The following SEMA5A variants were observed in gnomAD, a reference collection of about 807,000 sequenced individuals.
The protein encoded by SEMA5A is semaphorin-5A.
SEMA5A carries 55 observed loss-of-function variants against 135.5 expected under a neutral mutation model. That is an observed-to-expected ratio of 0.41 (90% CI 0.33 to 0.51). SEMA5A has a LOEUF of 0.51. SEMA5A is among the 20% of genes least tolerant of loss of function. The pLI is 0.37. For synonymous variants in SEMA5A, 580 were observed against 546.5 expected, an observed-to-expected ratio of 1.06 and a Z score of -0.85; for missense variants, 1,290 against 1,419.9, an observed-to-expected ratio of 0.91 and a Z score of 1.47.
At chr5:9,153,069 G>GAA (rs60994342) in intron 12 of SEMA5A, among the ~76,000 whole-genome samples, 3 of 143,304 alleles carry the variant, frequency 2.1e-5, no homozygotes, top group African/African-American at 5.1e-5. Context: ...CTCCATTTCA[G>GAA]AAAAAAAAAA....
At chr5:9,056,183 T>C (rs982698935) in intron 18 of SEMA5A, among the ~76,000 whole-genome samples, 2 of 152,172 alleles carry the variant, frequency 1.3e-5, no homozygotes, top group Non-Finnish European at 2.9e-5. Context: ...CTGTATGGAA[T>C]GATAAACCTG....
At chr5:9,276,245 C>A (rs1238028604) in intron 5 of SEMA5A, among the ~76,000 whole-genome samples, 1 of 152,160 alleles carries the variant, frequency 6.6e-6, no homozygotes, top group East Asian at 1.9e-4. Context: ...AGGAATACAA[C>A]TTACAATGGA....
chr5:9,273,065 G>T (rs1750068656), intron 5 of SEMA5A, among the ~76,000 whole-genome samples: 1 of 152,116 alleles, frequency 6.6e-6, no homozygotes. Context: ...CTCCTCTAAG[G>T]TAAAGGAGCA....
At chr5:9,407,225 AAG>A (rs1230215937) in intron 2 of SEMA5A, among the ~76,000 whole-genome samples, 1 of 152,222 alleles carries the variant, frequency 6.6e-6, no homozygotes, top group Non-Finnish European at 1.5e-5. Context: ...AATCTACAAA[AAG>A]AGTATGTAAC....
At chr5:9,091,419 C>A (rs1279584119) in intron 16 of SEMA5A, among the ~76,000 whole-genome samples, 3 of 152,098 alleles carry the variant, frequency 2.0e-5, no homozygotes, top group Non-Finnish European at 4.4e-5. Context: ...ACAATCCAGA[C>A]AAGGATAGAG....
At chr5:9,328,155 C>A (rs997046421) in intron 4 of SEMA5A, among the ~76,000 whole-genome samples, 2 of 152,100 alleles carry the variant, frequency 1.3e-5, no homozygotes, top group Non-Finnish European at 2.9e-5. Flanking sequence ...TTCCCACCAG[C>A]CAACCCACTC....
chr5:9,088,364 A>G (rs1237198114), intron 16 of SEMA5A, among the ~76,000 whole-genome samples: 2 of 150,754 alleles, frequency 1.3e-5, no homozygotes, highest in Non-Finnish European at 3.0e-5. Flanking sequence ...TAATTTTCCT[A>G]TAAATATAAG....
intron 16 of SEMA5A, among the ~76,000 whole-genome samples, chr5:9,075,571 G>A (rs921895545): frequency 1.3e-5 from 2 of 148,638 alleles, no homozygotes; most frequent in Non-Finnish European, 3.0e-5. Flanking sequence ...AAAAAAAGGT[G>A]TGACACTGTA....
intron 6 of SEMA5A, among the ~76,000 whole-genome samples, chr5:9,235,933 G>A (rs1561056287): frequency 6.6e-6 from 1 of 152,168 alleles, no homozygotes; most frequent in Non-Finnish European, 1.5e-5. Flanking sequence ...CCACATGACT[G>A]GGGAGTCCAC....
intron 13 of SEMA5A, among the ~76,000 whole-genome samples, chr5:9,125,553 T>A (rs1741062459): frequency 1.3e-5 from 2 of 152,166 alleles, no homozygotes; most frequent in African/African-American, 4.8e-5. Flanking sequence ...TGCCCATGTG[T>A]TCTCATTGTT....
chr5:9,310,958 A>G (rs1478495114), intron 5 of SEMA5A, among the ~76,000 whole-genome samples: 6 of 151,910 alleles, frequency 3.9e-5, no homozygotes, highest in Non-Finnish European at 8.8e-5. Context: ...ACATATATAC[A>G]TAGAAATCTA....
At chr5:9,491,783 C>T (rs1469166959) in intron 1 of SEMA5A, among the ~76,000 whole-genome samples, 1 of 152,178 alleles carries the variant, frequency 6.6e-6, no homozygotes, top group Admixed American at 6.5e-5. Context: ...TCAAAAGGGG[C>T]ATGATGCCCT....
At chr5:9,495,275 T>G (rs1481442541) in intron 1 of SEMA5A, among the ~76,000 whole-genome samples, 1 of 152,042 alleles carries the variant, frequency 6.6e-6, no homozygotes, top group Non-Finnish European at 1.5e-5. Flanking sequence ...GTGTCCACAA[T>G]AGGAGTTTCT....
chr5:9,298,663 T>C (rs1751457438), intron 5 of SEMA5A, among the ~76,000 whole-genome samples: 4 of 152,362 alleles, frequency 2.6e-5, no homozygotes, highest in South Asian at 2.1e-4. Flanking sequence ...GTTAAGAATA[T>C]TGACTATAAG....
chr5:9,313,809 G>A (rs183617292), intron 5 of SEMA5A, among the ~76,000 whole-genome samples: 36 of 152,272 alleles, frequency 2.4e-4, no homozygotes, highest in Non-Finnish European at 3.2e-4. Flanking sequence ...GAAGGTGATT[G>A]AGACAGGACA....
intron 2 of SEMA5A, among the ~76,000 whole-genome samples, chr5:9,435,510 A>G (rs1757997823): frequency 6.6e-6 from 1 of 152,208 alleles, no homozygotes; most frequent in South Asian, 2.1e-4. Context: ...GTTTGCAGTT[A>G]CAATAGACTT....
intron 5 of SEMA5A, among the ~76,000 whole-genome samples, chr5:9,294,189 C>T (rs1157137634): frequency 2.6e-5 from 4 of 152,314 alleles, no homozygotes; most frequent in Admixed American, 2.0e-4. Context: ...CCTTCCGGTA[C>T]ATCGTCACCT....
In SEMA5A at chr5:9,039,556, T is replaced by C. The variant is rs1735846523; in HGVS notation, c.*3341A>G. On this transcript the variant is annotated 3_prime_UTR_variant, in exon 23 of 23. Transcript: ENST00000382496. Reference sequence around the variant, plus strand: ...TCTCAAATATGAATGGTAACTCTAGTGAGAGCCTACTTGAACAGGCTTAGG... The same window carrying C: ...TCTCAAATATGAATGGTAACTCTAGCGAGAGCCTACTTGAACAGGCTTAGG... The C allele has an allele frequency of 6.6e-6, 1 of 152,196 alleles. No individual in the cohort carries two copies. The allele number at this position is 152,196 out of a possible 1,614,324, so 9.4% of individuals were successfully genotyped here.
At chr5:9,087,616 A>AATCATTC (rs1430615530) in intron 16 of SEMA5A, among the ~76,000 whole-genome samples, 1 of 151,854 alleles carries the variant, frequency 6.6e-6, no homozygotes, top group Non-Finnish European at 1.5e-5. Context: ...TGGCTGTAAA[A>AATCATTC]ATCATTCTCC....
Sources: gnomAD v4.1 joint callset for allele counts (sites outside exome capture counted in the v4.1 genomes callset) on GRCh38, gnomAD v4.1.1 for gene constraint, MANE v1.5 for transcripts, NCBI Gene and HGNC (gene_info 2026-07-23, HGNC 2026-07-21) for gene names.